Variants in TNFRSF8 observed in about 807,000 individuals in gnomAD.
The protein encoded by TNFRSF8 is TNF receptor superfamily member 8.
A neutral mutation model predicts 70.8 loss-of-function variants in TNFRSF8; 26 were observed. The observed-to-expected ratio is 0.37, with a 90% CI of 0.27 to 0.51. The LOEUF is 0.51. Ranked by LOEUF, TNFRSF8 falls within the 20% of genes least tolerant of loss-of-function variation. The pLI is 0.94. For missense variants in TNFRSF8, 720 were observed against 807.9 expected (o/e 0.89, Z 1.32); for synonymous variants, 356 against 339.2 (o/e 1.05, Z -0.54).
intron 1 of TNFRSF8, among the ~76,000 whole-genome samples, chr1:12,073,617 A>G (rs562705963): frequency 1.5e-5 from 2 of 134,800 alleles, no homozygotes; most frequent in African/African-American, 5.6e-5. Context: ...TTTTCTTGAC[A>G]GAGTCTCACT....
chr1:12,083,368 T>C (rs1426267582), intron 1 of TNFRSF8, among the ~76,000 whole-genome samples: 1 of 152,184 alleles, frequency 6.6e-6, no homozygotes, highest in Non-Finnish European at 1.5e-5. Context: ...CCAGCAGCAC[T>C]ATCATAATAA....
rs1251863718 is a variant in TNFRSF8 at position 12,138,715 on chromosome 1, C to T, written c.1543+279C>T. ...ACCCCAGCCCCCAACACCGAGCACCCGAGGGGACAGGAGGAAGACGTGCCA... is the reference window on the plus strand; with the variant it reads ...ACCCCAGCCCCCAACACCGAGCACCTGAGGGGACAGGAGGAAGACGTGCCA... On this transcript the variant is annotated intron_variant, in intron 14 of 14. Transcript: ENST00000263932. The surrounding 1 kb of genome is among the most constrained non-coding windows in gnomAD (Gnocchi z 5.7). Among the ~76,000 whole-genome samples, 8 of 152,160 alleles carry T rather than the reference C, an allele frequency of 5.3e-5. No individual in the cohort carries two copies. The highest frequency in any genetic ancestry group is 1.4e-4 in the African/African-American group (6 of 41,436).
intron 1 of TNFRSF8, among the ~76,000 whole-genome samples, chr1:12,069,441 A>G (rs1477637247): frequency 6.6e-6 from 1 of 152,030 alleles, no homozygotes; most frequent in Admixed American, 6.6e-5. Flanking sequence ...CAGCCTCCCA[A>G]AGTGCTGGGA....
In TNFRSF8 at chr1:12,119,197, G is replaced by C. The variant is rs1028456826; in HGVS notation, c.946+3468G>C. 3.3e-5 allele frequency among the ~76,000 whole-genome samples: 5 copies of C among 152,162 alleles called. No individual in the cohort carries two copies. Among genetic ancestry groups the C allele is most frequent in the African/African-American group, 7.2e-5 (3 of 41,444 alleles). On this transcript the variant is annotated intron_variant, in intron 8 of 14. Transcript: ENST00000263932. This position sits in a 1 kb window ranked among gnomAD's most constrained non-coding sequence, Gnocchi z 4.4. ...CTTCTTGCTCCTGCTGCCTGGCCTG[G>C]TGACCACCTTGATGTGGCTCTCCCA...
At chr1:12,126,277 G>A (rs1474669526) in intron 12 of TNFRSF8, 41 bp downstream of exon 12, 1 of 1,612,810 alleles carries the variant, frequency 6.2e-7, no homozygotes, top group Admixed American at 1.7e-5. Context: ...CGAGCCAGAG[G>A]AACACAGGGC....
At position 12,112,074 on chromosome 1, in the gene TNFRSF8, C is replaced by A; in HGVS notation, c.793+60C>A. 8.2e-7 allele frequency: 1 copy of A among 1,224,882 alleles called. No homozygotes were observed. The highest frequency in any genetic ancestry group is 1.2e-6 in the Non-Finnish European group (1 of 838,172). The allele number at this position is 1,224,882 out of a possible 1,614,324, so 75.9% of individuals were successfully genotyped here. Reference sequence around the variant, plus strand: ...CCTCTCTGCATTTTTGAACCGTGAACTTCCAGTAACTACTCCCCCTTATGT... The same window carrying A: ...CCTCTCTGCATTTTTGAACCGTGAAATTCCAGTAACTACTCCCCCTTATGT... On this transcript the variant is annotated intron_variant, in intron 7 of 14. Coordinates refer to ENST00000263932, the MANE Select transcript of TNFRSF8 (RefSeq NM_001243.5). This position sits in a 1 kb window ranked among gnomAD's most constrained non-coding sequence, Gnocchi z 5.3.
chr1:12,111,293 T>G (rs1410743482), intron 6 of TNFRSF8, among the ~76,000 whole-genome samples: 2 of 152,086 alleles, frequency 1.3e-5, no homozygotes, highest in African/African-American at 4.8e-5. Flanking sequence ...GCAATTCTCC[T>G]GCCTCAGCCT....
chr1:12,109,302 C>G lies in TNFRSF8; in HGVS notation c.422-264C>G, dbSNP rs1380645722. 1.3e-5 allele frequency among the ~76,000 whole-genome samples: 2 copies of G among 152,192 alleles called. No individual in the cohort carries two copies. ...AACGGATTGATTGGTCCAGCCTGGT[C>G]TCATGGCCACTCGGGAAAGGGGGTT... On this transcript the variant is annotated intron_variant, in intron 4 of 14. Coordinates refer to ENST00000263932, the MANE Select transcript of TNFRSF8 (RefSeq NM_001243.5). The surrounding 1 kb of genome is among the most constrained non-coding windows in gnomAD (Gnocchi z 4.4).
At chr1:12,125,832 CTGT>C in intron 10 of TNFRSF8, 116 bp from the exon 11 acceptor site, 7 of 818,474 alleles carry the variant, frequency 8.6e-6, no homozygotes, top group South Asian at 8.3e-5. Context: ...TGGAAAGGAC[CTGT>C]TGTTGTTAGC....
In TNFRSF8 at chr1:12,119,584, A is replaced by C. The variant is rs1421610678; in HGVS notation, c.947-3700A>C. On this transcript the variant is annotated intron_variant, in intron 8 of 14. Transcript: ENST00000263932. The surrounding 1 kb of genome is among the most constrained non-coding windows in gnomAD (Gnocchi z 4.4). Reference sequence around the variant, plus strand: ...TTTTTTTTTTAACATGTATGAATTTATCTTATATCTTTTATTATTATTTTT... The same window carrying C: ...TTTTTTTTTTAACATGTATGAATTTCTCTTATATCTTTTATTATTATTTTT... 6.9e-6 allele frequency among the ~76,000 whole-genome samples: 1 copy of C among 144,566 alleles called. No individual in the cohort carries two copies. The allele number at this position is 144,566 out of a possible 152,430, so 94.8% of individuals were successfully genotyped here.
intron 10 of TNFRSF8, among the ~76,000 whole-genome samples, chr1:12,125,469 A>T (rs916827724): frequency 2.6e-5 from 4 of 152,042 alleles, no homozygotes; most frequent in African/African-American, 4.8e-5. Flanking sequence ...CATTCAGGGA[A>T]CGCTTGTGGG....
intron 12 of TNFRSF8, among the ~76,000 whole-genome samples, chr1:12,133,206 T>C (rs1278670014): frequency 2.0e-5 from 3 of 152,108 alleles, no homozygotes; most frequent in African/African-American, 7.2e-5. Flanking sequence ...GCCAGATGGC[T>C]CTTTAGAAAA....
At chr1:12,072,804 T>C (rs1640870420) in intron 1 of TNFRSF8, among the ~76,000 whole-genome samples, 1 of 152,212 alleles carries the variant, frequency 6.6e-6, no homozygotes, top group African/African-American at 2.4e-5. Flanking sequence ...TCCAACCTGC[T>C]GAGACCAGGA....
chr1:12,088,889 C>G lies in TNFRSF8; in HGVS notation c.151+4338C>G, dbSNP rs192021506. On this transcript the variant is annotated intron_variant, in intron 2 of 14. Coordinates refer to ENST00000263932, the MANE Select transcript of TNFRSF8 (RefSeq NM_001243.5). The surrounding 1 kb of genome is among the most constrained non-coding windows in gnomAD (Gnocchi z 4.0). The stretch of plus-strand genomic sequence containing the variant: ...CTGCCCCTGCCGCCTCCCCCTCCCC[C>G]GCCCAGTCCCTCTTCATCCTGGGCT... Among the ~76,000 whole-genome samples the G allele has an allele frequency of 6.6e-6, 1 of 152,200 alleles. No individual in the cohort carries two copies. The highest frequency in any genetic ancestry group is 2.4e-5 in the African/African-American group (1 of 41,458).
chr1:12,070,162 G>C (rs111382216), intron 1 of TNFRSF8, among the ~76,000 whole-genome samples: 1 of 39,438 alleles, frequency 2.5e-5, no homozygotes, highest in African/African-American at 9.9e-5. Context: ...CTGGGGGATT[G>C]GGGGGAGCAG....
In TNFRSF8 at chr1:12,142,378, G is replaced by T. The variant is rs754487480; in HGVS notation, c.1635G>T (p.Glu545Asp). Residue 545 changes from glutamate to aspartate, a missense_variant, in exon 15 of 15, where the codon GAG becomes GAT. Coordinates refer to ENST00000263932, the MANE Select transcript of TNFRSF8 (RefSeq NM_001243.5). This position sits in a 1 kb window ranked among gnomAD's most constrained non-coding sequence, Gnocchi z 5.0. ...GCCGGGGCCTGGCGGGGCCAGCAGA[G>T]CCCGAGTTGGAGGAGGAGCTGGAGG... is the stretch of plus-strand genomic sequence containing the variant. ...PEGRGLAGPA[E>D]PELEEELEAD... 3.0e-5 allele frequency: 49 copies of T among 1,611,602 alleles called. No homozygotes were observed. Among genetic ancestry groups the T allele is most frequent in the Non-Finnish European group, 4.2e-5 (49 of 1,179,254 alleles).
At position 12,110,419 on chromosome 1, in the gene TNFRSF8, T is replaced by A. The variant is rs1437142338; in HGVS notation, c.676+215T>A. ...TCATTTGCCAGCAGTGCAGAGGGCC[T>A]GCCTTGTGCCGGACACCCGTGCCCC... On this transcript the variant is annotated intron_variant, in intron 6 of 14. Transcript: ENST00000263932. The surrounding 1 kb of genome is among the most constrained non-coding windows in gnomAD (Gnocchi z 4.0). Among the ~76,000 whole-genome samples the A allele has an allele frequency of 2.0e-5, 3 of 152,146 alleles. No homozygotes were observed. The highest frequency in any genetic ancestry group is 7.2e-5 in the African/African-American group (3 of 41,438).
intron 1 of TNFRSF8, 103 bp from the exon 2 acceptor site, chr1:12,084,361 T>C (rs1641116215): frequency 9.8e-7 from 1 of 1,019,396 alleles, no homozygotes; most frequent in Non-Finnish European, 1.5e-6. Context: ...ATTTCTCTCC[T>C]ATATTACAAA....
At chr1:12,099,759 A>T (rs767085073) in intron 3 of TNFRSF8, among the ~76,000 whole-genome samples, 2 of 151,718 alleles carry the variant, frequency 1.3e-5, no homozygotes, top group Non-Finnish European at 2.9e-5. Context: ...GTTCTATGGC[A>T]GATCCTTTTG....
Sources: allele counts gnomAD v4.1 joint callset (sites outside exome capture counted in the v4.1 genomes callset), GRCh38; gene constraint gnomAD v4.1.1; non-coding constraint Gnocchi (gnomAD v3.1); transcripts MANE v1.5; gene names NCBI Gene and HGNC (gene_info 2026-07-23, HGNC 2026-07-21).